The following IFT43 variants were observed in gnomAD, a reference collection of about 807,000 sequenced individuals.
The protein encoded by IFT43 is intraflagellar transport protein 43 homolog.
Under a neutral mutation model 32.3 loss-of-function variants are expected in IFT43, and 33 were observed. That is an observed-to-expected ratio of 1.02 (90% confidence interval 0.77 to 1.37). The LOEUF is 1.37. Ranked by LOEUF, IFT43 falls within the 40% of genes most tolerant of loss-of-function variation. IFT43 has a pLI of 0.00. For missense variants in IFT43, 274 were observed against 265.9 expected, an observed-to-expected ratio of 1.03 and a Z score of -0.21; for synonymous variants, 93 against 98.2, an observed-to-expected ratio of 0.95 and a Z score of 0.31.
At chr14:75,991,086 C>G (rs2035629358) in intron 2 of IFT43, among the ~76,000 whole-genome samples, 1 of 152,110 alleles carries the variant, frequency 6.6e-6, no homozygotes, top group Non-Finnish European at 1.5e-5. Flanking sequence ...ACCCCTGTAA[C>G]CCCAGCACTT....
Position 76,082,332 on chromosome 14 carries a change from A to C in IFT43, c.333A>C (p.Glu111Asp). 1 of 1,613,918 alleles carries C rather than the reference A, an allele frequency of 6.2e-7. No individual in the cohort carries two copies. The highest frequency in any genetic ancestry group is 8.5e-7 in the Non-Finnish European group (1 of 1,179,734). ...TTCCGGATCTGGAGGAAGTACAGGA[A>C]GAAGACTTTGTTTTGCAGGTGGCAG... ...PIIPDLEEVQ[E>D]EDFVLQVAAP... Residue 111 changes from glutamate to aspartate, a missense_variant, in exon 6 of 9, where the codon GAA becomes GAC. Glu to Asp is a conservative substitution (Grantham distance 45). Coordinates refer to ENST00000314067, the MANE Select transcript of IFT43 (RefSeq NM_001102564.3).
intron 5 of IFT43, among the ~76,000 whole-genome samples, chr14:76,067,426 C>T (rs946528174): frequency 4.6e-5 from 7 of 151,920 alleles, no homozygotes; most frequent in African/African-American, 1.4e-4. Context: ...AAAAATTAGT[C>T]GTGTGTGGTG....
At chr14:76,073,619 T>C (rs2037360443) in intron 5 of IFT43, among the ~76,000 whole-genome samples, 1 of 152,166 alleles carries the variant, frequency 6.6e-6, no homozygotes, top group Non-Finnish European at 1.5e-5. Flanking sequence ...GTGTGTGTAC[T>C]TGTCTATATA....
At chr14:76,058,698 T>A (rs373745452) in intron 4 of IFT43, 24 bp downstream of exon 4, 4 of 1,611,840 alleles carry the variant, frequency 2.5e-6, no homozygotes, top group Non-Finnish European at 3.4e-6. Flanking sequence ...ATTCTTATTC[T>A]TATGGTATCC....
At chr14:76,071,777 T>A (rs1424993210) in intron 5 of IFT43, among the ~76,000 whole-genome samples, 1 of 152,228 alleles carries the variant, frequency 6.6e-6, no homozygotes, top group African/African-American at 2.4e-5. Context: ...TAATCATGTT[T>A]CTGTTTGACA....
intron 3 of IFT43, among the ~76,000 whole-genome samples, chr14:76,027,125 A>G (rs936953770): frequency 1.3e-5 from 2 of 152,110 alleles, no homozygotes; most frequent in African/African-American, 4.8e-5. Flanking sequence ...AAAAATAACT[A>G]CTGGGTACTA....
At chr14:76,076,592 T>G (rs1231110410) in intron 5 of IFT43, 2 of 1,614,124 alleles carry the variant, frequency 1.2e-6, no homozygotes, top group Admixed American at 3.3e-5. Flanking sequence ...CACTTTCTGT[T>G]CTAGCGGTAC....
At chr14:76,072,335 C>T (rs754603615) in intron 5 of IFT43, among the ~76,000 whole-genome samples, 3 of 152,070 alleles carry the variant, frequency 2.0e-5, no homozygotes, top group Non-Finnish European at 2.9e-5. Context: ...ACTGAAATTC[C>T]GCAGAGCATC....
intron 3 of IFT43, among the ~76,000 whole-genome samples, chr14:76,033,841 A>G (rs1006465583): frequency 1.3e-5 from 2 of 152,360 alleles, no homozygotes; most frequent in South Asian, 4.1e-4. Context: ...CAGAAGGTGC[A>G]CATAGTAAGT....
intron 3 of IFT43, among the ~76,000 whole-genome samples, chr14:76,030,345 C>T (rs1034364309): frequency 1.3e-5 from 2 of 152,006 alleles, no homozygotes; most frequent in African/African-American, 2.4e-5. Context: ...TATTAGAGTA[C>T]GTGCTTGCTT....
intron 2 of IFT43, among the ~76,000 whole-genome samples, chr14:76,005,774 AG>A (rs1345313224): frequency 2.6e-5 from 4 of 152,184 alleles, no homozygotes; most frequent in African/African-American, 9.7e-5. Flanking sequence ...TTACCAATCC[AG>A]TTCTTTTCTT....
chr14:76,068,083 T>G (rs995872393), intron 5 of IFT43, among the ~76,000 whole-genome samples: 2 of 152,192 alleles, frequency 1.3e-5, no homozygotes, highest in African/African-American at 4.8e-5. Context: ...GTTTAGTGGA[T>G]GGCAAAGGCA....
chr14:76,015,416 G>A (rs1307513114), intron 2 of IFT43, among the ~76,000 whole-genome samples: 20 of 152,122 alleles, frequency 1.3e-4, no homozygotes, highest in Admixed American at 1.3e-3. Flanking sequence ...AACTACCATA[G>A]CTCCTGACTC....
rs898436405 is a variant in IFT43 at position 76,001,275 on chromosome 14, G to A, written c.147+12298G>A. 1.7e-4 allele frequency among the ~76,000 whole-genome samples: 26 copies of A among 152,296 alleles called. 1 individual carries two copies. In the South Asian group the frequency reaches 5.4e-3, roughly 32 times the overall value. On this transcript the variant is annotated intron_variant, in intron 2 of 8. Coordinates refer to ENST00000314067, the MANE Select transcript of IFT43 (RefSeq NM_001102564.3). Reference sequence around the variant, plus strand: ...TATAGATTCAAAATCAGGTATAAAAGCAAATACTTATAATTGGAAAAAAAG... The same window carrying A: ...TATAGATTCAAAATCAGGTATAAAAACAAATACTTATAATTGGAAAAAAAG...
chr14:76,023,932 A>G (rs1385883744), intron 3 of IFT43, among the ~76,000 whole-genome samples: 6 of 152,176 alleles, frequency 3.9e-5, no homozygotes, highest in Non-Finnish European at 1.5e-5. Context: ...CAAGAGAGAG[A>G]ATACAGACAC....
intron 1 of IFT43, chr14:75,986,357 A>G (rs962137098): frequency 2.7e-6 from 3 of 1,122,616 alleles, no homozygotes; most frequent in Admixed American, 3.4e-5. Flanking sequence ...CTCAGTAGTT[A>G]AGGAAACCAA....
At chr14:76,004,006 C>T (rs2035937531) in intron 2 of IFT43, among the ~76,000 whole-genome samples, 1 of 152,122 alleles carries the variant, frequency 6.6e-6, no homozygotes, top group Non-Finnish European at 1.5e-5. Flanking sequence ...AAACTCCTGA[C>T]CTCAAGTGAT....
At chr14:76,045,708 C>G (rs1210431798) in intron 3 of IFT43, among the ~76,000 whole-genome samples, 1 of 152,160 alleles carries the variant, frequency 6.6e-6, no homozygotes, top group African/African-American at 2.4e-5. Flanking sequence ...CCTCTGTTTT[C>G]CAGGCAGAAG....
intron 2 of IFT43, among the ~76,000 whole-genome samples, chr14:75,999,267 A>AATATTCATTTATATATAAATTCATTT (rs2035829738): frequency 1.2e-4 from 3 of 24,480 alleles, no homozygotes; most frequent in Non-Finnish European, 1.9e-4. Flanking sequence ...ATATATATAT[A>AATATTCATTTATATATAAATTCATTT]TATATGTATA....
Sources: gnomAD v4.1 joint callset for allele counts (sites outside exome capture counted in the v4.1 genomes callset) on GRCh38, gnomAD v4.1.1 for gene constraint, MANE v1.5 for transcripts, NCBI Gene and HGNC (gene_info 2026-07-23, HGNC 2026-07-21) for gene names.